Variants in NCKAP5 observed in about 807,000 individuals in gnomAD.
NCKAP5 encodes NCK associated protein 5, also known as nck-associated protein 5.
NCKAP5 carries 92 observed loss-of-function variants against 167.0 expected under a neutral mutation model. The observed-to-expected ratio is 0.55, with a 90% CI of 0.47 to 0.66. The LOEUF is 0.66. NCKAP5 is among the 30% of genes least tolerant of loss of function. The pLI, the probability that NCKAP5 is intolerant of heterozygous loss-of-function variation, is 0.00. For missense variants in NCKAP5, 2,378 were observed against 2,315.0 expected (o/e 1.03, Z -0.56); for synonymous variants, 891 against 877.4 (o/e 1.02, Z -0.27).
intron 5 of NCKAP5, among the ~76,000 whole-genome samples, chr2:133,200,244 C>G (rs1231675370): frequency 1.3e-5 from 2 of 151,706 alleles, no homozygotes; most frequent in Admixed American, 1.3e-4. Context: ...CTACAGTAAC[C>G]TAGAGAGTTT....
chr2:133,417,121 G>GT (rs1222230024), intron 3 of NCKAP5, among the ~76,000 whole-genome samples: 14 of 123,964 alleles, frequency 1.1e-4, no homozygotes, highest in Admixed American at 5.6e-4. Context: ...TGGAAAGTAT[G>GT]TTAAAAAAAA....
At chr2:132,794,297 GAGAGAGA>G (rs1168134623) in intron 12 of NCKAP5, among the ~76,000 whole-genome samples, 3 of 123,648 alleles carry the variant, frequency 2.4e-5, no homozygotes, top group African/African-American at 8.8e-5. Flanking sequence ...GAGAGAGAGA[GAGAGAGA>G]GAGGGTGGCG....
intron 5 of NCKAP5, among the ~76,000 whole-genome samples, chr2:133,197,949 A>AC (rs2085511877): frequency 2.0e-5 from 3 of 151,068 alleles, no homozygotes; most frequent in Non-Finnish European, 4.4e-5. Context: ...ACTCCATCTC[A>AC]GAAAAAAAAA....
chr2:133,262,324 C>T (rs1013123401), intron 4 of NCKAP5, among the ~76,000 whole-genome samples: 2 of 152,148 alleles, frequency 1.3e-5, no homozygotes, highest in African/African-American at 2.4e-5. Context: ...CCCAAATCTC[C>T]GGCTATTTAG....
chr2:132,829,278 C>G (rs1687351170), intron 11 of NCKAP5, among the ~76,000 whole-genome samples: 1 of 152,100 alleles, frequency 6.6e-6, no homozygotes, highest in South Asian at 2.1e-4. Flanking sequence ...AAGTTTGAAG[C>G]TCATTTCGTT....
the NCKAP5 span, among the ~76,000 whole-genome samples, chr2:133,583,133 A>G: frequency 6.6e-6 from 1 of 152,172 alleles, no homozygotes; most frequent in Non-Finnish European, 1.5e-5. Context: ...AAAAATATAT[A>G]TATGATATGA....
intron 2 of NCKAP5, among the ~76,000 whole-genome samples, chr2:133,544,699 A>G (rs968492194): frequency 1.4e-4 from 21 of 152,318 alleles, no homozygotes; most frequent in African/African-American, 3.8e-4. Flanking sequence ...AAATGGATGA[A>G]CTGTTTTCTA....
At chr2:132,945,288 G>C (rs947003444) in intron 8 of NCKAP5, among the ~76,000 whole-genome samples, 1 of 152,094 alleles carries the variant, frequency 6.6e-6, no homozygotes, top group African/African-American at 2.4e-5. Context: ...GGTGAGGCGG[G>C]GGCAGGGGTG....
the NCKAP5 span, among the ~76,000 whole-genome samples, chr2:133,601,032 G>A: frequency 6.6e-6 from 1 of 152,208 alleles, no homozygotes; most frequent in African/African-American, 2.4e-5. Flanking sequence ...CTTCCTCTGT[G>A]ACCTGGCCGG....
chr2:133,169,177 C>CT (rs1443442592), intron 5 of NCKAP5, among the ~76,000 whole-genome samples: 2 of 152,202 alleles, frequency 1.3e-5, no homozygotes, highest in Non-Finnish European at 2.9e-5. Context: ...TCTTGTCTAA[C>CT]TATCCTGACC....
intron 7 of NCKAP5, among the ~76,000 whole-genome samples, chr2:132,979,056 G>A (rs1428832782): frequency 3.3e-5 from 5 of 152,256 alleles, no homozygotes; most frequent in African/African-American, 9.6e-5. Context: ...TCAGCCCTGC[G>A]GCCTCGCTGC....
chr2:133,093,288 A>G (rs2081247541), intron 6 of NCKAP5, among the ~76,000 whole-genome samples: 1 of 152,222 alleles, frequency 6.6e-6, no homozygotes, highest in Non-Finnish European at 1.5e-5. Flanking sequence ...CTTTTATTCC[A>G]TGTAGTGAAG....
At chr2:133,436,765 G>T (rs1690509731) in intron 3 of NCKAP5, among the ~76,000 whole-genome samples, 1 of 152,072 alleles carries the variant, frequency 6.6e-6, no homozygotes, top group African/African-American at 2.4e-5. Context: ...AACATCCTGT[G>T]CATAATTATA....
At chr2:133,580,408 C>A in the NCKAP5 span, among the ~76,000 whole-genome samples, 2 of 152,150 alleles carry the variant, frequency 1.3e-5, no homozygotes, top group African/African-American at 4.8e-5. Flanking sequence ...GGAAATTGAA[C>A]CCCAGGCTAA....
chr2:133,271,956 T>G (rs747470822), intron 4 of NCKAP5, among the ~76,000 whole-genome samples: 12 of 152,298 alleles, frequency 7.9e-5, no homozygotes, highest in Admixed American at 1.3e-4. Context: ...TGATGCTAAG[T>G]TGTGTGCAGA....
At chr2:133,046,827 G>T (rs1016437291) in intron 6 of NCKAP5, among the ~76,000 whole-genome samples, 1 of 152,320 alleles carries the variant, frequency 6.6e-6, no homozygotes, top group Admixed American at 6.5e-5. Context: ...GAAAAGATTA[G>T]CATAAGGGTT....
intron 3 of NCKAP5, among the ~76,000 whole-genome samples, chr2:133,357,288 GACACACACACAC>G (rs10635907): frequency 8.8e-4 from 123 of 140,272 alleles, no homozygotes; most frequent in African/African-American, 6.8e-4. Context: ...CACATACACA[GACACACACACAC>G]ACACACACAC....
chr2:133,082,615 T>C (rs939892145), intron 6 of NCKAP5, among the ~76,000 whole-genome samples: 1 of 152,086 alleles, frequency 6.6e-6, no homozygotes, highest in Non-Finnish European at 1.5e-5. Flanking sequence ...CAGCTGGGCA[T>C]TGTATCCCTG....
At chr2:133,540,007 C>T (rs2104878933) in intron 2 of NCKAP5, among the ~76,000 whole-genome samples, 1 of 152,222 alleles carries the variant, frequency 6.6e-6, no homozygotes, top group African/African-American at 2.4e-5. Context: ...AGTGAAACCC[C>T]ATCTCTACTA....
Sources: gnomAD v4.1 joint callset for allele counts (sites outside exome capture counted in the v4.1 genomes callset) on GRCh38, gnomAD v4.1.1 for gene constraint, MANE v1.5 for transcripts, NCBI Gene and HGNC (gene_info 2026-07-23, HGNC 2026-07-21) for gene names.